The following S100Z variants were observed in gnomAD, a reference collection of about 807,000 sequenced individuals.
S100Z encodes S100 calcium binding protein Z, also known as protein S100-Z.
Under a neutral mutation model 8.5 loss-of-function variants are expected in S100Z, and 11 were observed. The ratio of observed to expected loss-of-function variants is 1.30; its 90% confidence interval spans 0.82 to 2.15. The LOEUF (loss-of-function observed/expected upper bound fraction) is 2.15, where lower values mean the gene tolerates loss of function less well. S100Z is among the 30% of genes most tolerant of loss of function. The pLI, the probability that S100Z is intolerant of heterozygous loss-of-function variation, is 0.00. For missense variants in S100Z, 126 were observed against 117.9 expected (o/e 1.07, Z -0.32); for synonymous variants, 34 against 43.8 (o/e 0.78, Z 0.89).
downstream of S100Z, among the ~76,000 whole-genome samples, chr5:76,924,898 G>A (rs1346984743): frequency 7.2e-6 from 1 of 138,924 alleles, no homozygotes; most frequent in Non-Finnish European, 1.5e-5. Context: ...GGGCAACAGA[G>A]CGAGACTCTG....
chr5:76,858,573 G>T (rs1750954040), intron 1 of S100Z, among the ~76,000 whole-genome samples: 1 of 151,672 alleles, frequency 6.6e-6, no homozygotes, highest in African/African-American at 2.4e-5. Context: ...CTTAAGTCCA[G>T]CGTGCCCATC....
downstream of S100Z, among the ~76,000 whole-genome samples, chr5:76,925,011 A>G (rs1164366075): frequency 1.3e-5 from 2 of 152,112 alleles, no homozygotes; most frequent in Non-Finnish European, 2.9e-5. Flanking sequence ...GACTCTTACA[A>G]GGTTGCTGTT....
the S100Z span, among the ~76,000 whole-genome samples, chr5:76,938,780 T>G: frequency 2.0e-5 from 3 of 152,208 alleles, no homozygotes; most frequent in Non-Finnish European, 4.4e-5. Context: ...AGATCATGTT[T>G]TTTTCCCATG....
At chr5:76,888,910 C>T (rs1484340541) in intron 4 of S100Z, among the ~76,000 whole-genome samples, 10 of 152,202 alleles carry the variant, frequency 6.6e-5, no homozygotes, top group Admixed American at 1.3e-4. Context: ...GTGATTCTCC[C>T]GCCTTTTTGC....
intron 4 of S100Z, among the ~76,000 whole-genome samples, chr5:76,898,465 A>G (rs1744116007): frequency 6.6e-6 from 1 of 152,110 alleles, no homozygotes; most frequent in Non-Finnish European, 1.5e-5. Flanking sequence ...GCGCCAAGCC[A>G]AGGTATGTTC....
At chr5:76,850,953 C>A (rs1386936828) in intron 1 of S100Z, among the ~76,000 whole-genome samples, 1 of 152,118 alleles carries the variant, frequency 6.6e-6, no homozygotes, top group Non-Finnish European at 1.5e-5. Context: ...CATGAGCCAC[C>A]GCTCCCCAGC....
At chr5:76,892,634 G>T (rs1165970844) in intron 4 of S100Z, among the ~76,000 whole-genome samples, 1 of 151,820 alleles carries the variant, frequency 6.6e-6, no homozygotes, top group Non-Finnish European at 1.5e-5. Flanking sequence ...GAAAGAGTGG[G>T]CAGTCAGGGA....
intron 4 of S100Z, among the ~76,000 whole-genome samples, chr5:76,890,717 G>A (rs115896393): frequency 1.3e-5 from 2 of 152,138 alleles, no homozygotes; most frequent in Non-Finnish European, 2.9e-5. Flanking sequence ...GCATCCCTAG[G>A]GTGTGGGGTG....
intron 4 of S100Z, among the ~76,000 whole-genome samples, chr5:76,914,222 C>G (rs1312919858): frequency 6.6e-6 from 1 of 152,074 alleles, no homozygotes; most frequent in Non-Finnish European, 1.5e-5. Flanking sequence ...GGCCAAATTC[C>G]CAACAGCAGT....
At chr5:76,950,390 G>A in the S100Z span, among the ~76,000 whole-genome samples, 1 of 152,122 alleles carries the variant, frequency 6.6e-6, no homozygotes, top group Admixed American at 6.5e-5. Flanking sequence ...ATCAGTCTAG[G>A]CACAATTTTA....
At chr5:76,914,520 C>T (rs1447961790) in intron 4 of S100Z, among the ~76,000 whole-genome samples, 1 of 152,130 alleles carries the variant, frequency 6.6e-6, no homozygotes, top group Non-Finnish European at 1.5e-5. Context: ...CCCTTCCATG[C>T]TGTGGAAGCT....
intron 4 of S100Z, among the ~76,000 whole-genome samples, chr5:76,897,548 A>T (rs1024294796): frequency 6.6e-6 from 1 of 152,042 alleles, no homozygotes; most frequent in East Asian, 1.9e-4. Context: ...TAAGGATTGC[A>T]TTGAATCCAT....
chr5:76,891,189 A>T (rs1482582775), intron 4 of S100Z, among the ~76,000 whole-genome samples: 3 of 152,206 alleles, frequency 2.0e-5, no homozygotes, highest in Non-Finnish European at 4.4e-5. Flanking sequence ...AAATTAAAGC[A>T]GTTGTGTTTA....
chr5:76,940,580 T>A, the S100Z span, among the ~76,000 whole-genome samples: 1 of 151,966 alleles, frequency 6.6e-6, no homozygotes, highest in African/African-American at 2.4e-5. Flanking sequence ...ACCTAGCTAA[T>A]TTTTGTATTT....
intron 4 of S100Z, among the ~76,000 whole-genome samples, chr5:76,906,881 T>G: frequency 6.6e-6 from 1 of 151,180 alleles, no homozygotes; most frequent in Non-Finnish European, 1.5e-5. Flanking sequence ...TCCTCCCACC[T>G]TGGCCTCCCA....
At chr5:76,909,815 C>T (rs1744585963) in intron 4 of S100Z, among the ~76,000 whole-genome samples, 1 of 152,118 alleles carries the variant, frequency 6.6e-6, no homozygotes, top group Non-Finnish European at 1.5e-5. Context: ...ACATAGATGT[C>T]CTACAGGGTC....
At chr5:76,943,975 G>A in the S100Z span, among the ~76,000 whole-genome samples, 1 of 152,072 alleles carries the variant, frequency 6.6e-6, no homozygotes, top group Non-Finnish European at 1.5e-5. Context: ...TTTTATAACA[G>A]ATTGCGTTAT....
chr5:76,878,335 G>T (rs1235750192), intron 4 of S100Z: 1 of 152,584 alleles, frequency 6.6e-6, no homozygotes, highest in Non-Finnish European at 1.5e-5. Context: ...GAATGGATAG[G>T]TTCAGGGCTA....
intron 1 of S100Z, among the ~76,000 whole-genome samples, chr5:76,869,626 G>C (rs555352909): frequency 6.6e-5 from 10 of 152,260 alleles, no homozygotes; most frequent in African/African-American, 2.4e-4. Flanking sequence ...GTAGAAAGTA[G>C]AAAGAGCAGT....
Sources: allele counts gnomAD v4.1 joint callset (sites outside exome capture counted in the v4.1 genomes callset), GRCh38; gene constraint gnomAD v4.1.1; transcripts MANE v1.5; gene names NCBI Gene and HGNC (gene_info 2026-07-23, HGNC 2026-07-21).